The following CFAP47 variants were observed in gnomAD, a reference collection of about 807,000 sequenced individuals.
CFAP47 encodes cilia and flagella associated protein 47, also known as cilia- and flagella-associated protein 47.
In CFAP47, 29 loss-of-function variants were observed where a neutral mutation model predicts 148.1. That is an observed-to-expected ratio of 0.20 (90% CI 0.15 to 0.27). The LOEUF (loss-of-function observed/expected upper bound fraction) is 0.27. Among genes scored for constraint, CFAP47 ranks in the 10% least tolerant of loss-of-function variants. CFAP47 has a pLI of 1.00. For synonymous variants in CFAP47, 664 were observed against 577.3 expected (o/e 1.15, Z -2.15); for missense variants, 1,872 against 1,697.5 (o/e 1.10, Z -1.81).
At chrX:35,924,109 G>A (rs1935655029) in intron 1 of CFAP47, among the ~76,000 whole-genome samples, 1 of 100,610 alleles carries the variant, frequency 9.9e-6, no homozygotes, top group African/African-American at 3.9e-5. Context: ...ATGTATATAT[G>A]TACATGTATG....
intron 45 of CFAP47, among the ~76,000 whole-genome samples, chrX:36,209,571 A>C (rs1555989206): frequency 9.0e-6 from 1 of 111,042 alleles, no homozygotes; most frequent in African/African-American, 3.3e-5. Flanking sequence ...TTAATTATAA[A>C]TATAATAAAT....
intron 49 of CFAP47, among the ~76,000 whole-genome samples, chrX:36,262,060 C>T (rs1173806824): frequency 8.9e-6 from 1 of 111,831 alleles, no homozygotes; most frequent in Non-Finnish European, 1.9e-5. Flanking sequence ...TTTGGCTTTG[C>T]GTTTCTTTTA....
intron 48 of CFAP47, among the ~76,000 whole-genome samples, chrX:36,247,760 G>A (rs1940635461): frequency 9.0e-6 from 1 of 110,875 alleles, no homozygotes; most frequent in African/African-American, 3.3e-5. Context: ...AGGAACAAAG[G>A]TGACATAAGA....
chrX:36,029,990 C>T (rs1937262897), intron 22 of CFAP47, among the ~76,000 whole-genome samples: 1 of 110,353 alleles, frequency 9.1e-6, no homozygotes, highest in Non-Finnish European at 1.9e-5. Context: ...TTTCTGTTGA[C>T]TACATTTTCA....
chrX:36,043,938 A>C (rs1465827288), intron 25 of CFAP47, among the ~76,000 whole-genome samples: 1 of 112,892 alleles, frequency 8.9e-6, no homozygotes, highest in African/African-American at 3.2e-5. Flanking sequence ...GTTTCCATAC[A>C]TCCTCTGAAA....
rs748781074 is a variant in CFAP47, at chrX:35,954,262, G to GA, written c.1174+550dup. Among the ~76,000 whole-genome samples the GA allele has an allele frequency of 2.5e-3, 274 of 110,513 alleles. 1 individual carries two copies. Among genetic ancestry groups the GA allele is most frequent in the African/African-American group, 8.6e-3 (262 of 30,470 alleles). On this transcript the variant is annotated intron_variant, in intron 7 of 63. Transcript: ENST00000378653. The stretch of plus-strand genomic sequence containing the variant: ...GTTATATTAGGTTGGTTATAGTGAG[G>GA]AAAAAAATGGAATGGGACTTGGAGT...
At chrX:36,132,923 C>A (rs774052739) in intron 33 of CFAP47, among the ~76,000 whole-genome samples, 1 of 111,690 alleles carries the variant, frequency 9.0e-6, no homozygotes, top group African/African-American at 3.2e-5. Flanking sequence ...ACCCTTATAA[C>A]AACAATGAAA....
chrX:36,165,867 T>A (rs1186657869), intron 39 of CFAP47, among the ~76,000 whole-genome samples: 1 of 111,117 alleles, frequency 9.0e-6, no homozygotes, highest in Non-Finnish European at 1.9e-5. Context: ...TTCCTTCTTC[T>A]TATAAGGACA....
chrX:35,995,151 G>A (rs776869692), intron 18 of CFAP47, among the ~76,000 whole-genome samples: 6 of 111,116 alleles, frequency 5.4e-5, no homozygotes, highest in African/African-American at 6.5e-5. Context: ...GGGGAGAGGA[G>A]GAAAGGTTAT....
At chrX:36,101,540 A>G (rs752556887) in intron 32 of CFAP47, among the ~76,000 whole-genome samples, 29 of 111,858 alleles carry the variant, frequency 2.6e-4, no homozygotes, top group South Asian at 7.5e-4. Flanking sequence ...AAACACTGAC[A>G]ATGAGGTATG....
At chrX:36,183,730 G>A (rs928930352) in intron 40 of CFAP47, among the ~76,000 whole-genome samples, 1 of 111,743 alleles carries the variant, frequency 8.9e-6, no homozygotes, top group African/African-American at 3.3e-5. Flanking sequence ...ATTTTATGTT[G>A]TGGGGACATG....
At chrX:36,212,218 A>T (rs57743932) in intron 45 of CFAP47, among the ~76,000 whole-genome samples, 2,591 of 112,392 alleles carry the variant, frequency 0.023, 77 homozygotes, top group African/African-American at 0.079. Flanking sequence ...CCATAGATAC[A>T]TAGTTTATTT....
intron 15 of CFAP47, among the ~76,000 whole-genome samples, chrX:35,987,187 C>A (rs1001268834): frequency 4.5e-5 from 5 of 111,541 alleles, no homozygotes; most frequent in African/African-American, 1.3e-4. Flanking sequence ...AAGTTTAAGT[C>A]TGCTGAAGCT....
chrX:36,361,192 T>C, intron 60 of CFAP47, 138 bp from the exon 61 acceptor site: 1 of 341,306 alleles, frequency 2.9e-6, no homozygotes, highest in Non-Finnish European at 5.2e-6. Flanking sequence ...CACTAGACTT[T>C]ATAGACATTA....
At chrX:36,377,970 A>G (rs1484910983) in intron 62 of CFAP47, among the ~76,000 whole-genome samples, 2 of 111,806 alleles carry the variant, frequency 1.8e-5, no homozygotes, top group African/African-American at 6.5e-5. Flanking sequence ...TCCGCAGTCC[A>G]TGTTCTCAAA....
At chrX:35,992,723 TC>T (rs779668677) in intron 17 of CFAP47, among the ~76,000 whole-genome samples, 5 of 111,498 alleles carry the variant, frequency 4.5e-5, no homozygotes, top group Non-Finnish European at 9.4e-5. Flanking sequence ...TTAGAAGTTT[TC>T]TGAAGATCAA....
chrX:36,170,567 A>G (rs980231852), intron 39 of CFAP47, among the ~76,000 whole-genome samples: 2 of 109,577 alleles, frequency 1.8e-5, no homozygotes, highest in Non-Finnish European at 3.8e-5. Context: ...TGTTCTTGTG[A>G]TAGTTTACCG....
intron 1 of CFAP47, among the ~76,000 whole-genome samples, chrX:35,924,172 CATGT>C (rs200176977): frequency 3.0e-5 from 3 of 98,757 alleles, no homozygotes; most frequent in African/African-American, 1.2e-4. Flanking sequence ...TATATATGTA[CATGT>C]ATGCGTACAT....
chrX:36,277,807 A>G (rs895610339), intron 49 of CFAP47, among the ~76,000 whole-genome samples: 7 of 111,983 alleles, frequency 6.3e-5, no homozygotes, highest in Non-Finnish European at 1.3e-4. Flanking sequence ...GAATATTACC[A>G]TCTTGTCAAG....
Sources: gnomAD v4.1 joint callset for allele counts (sites outside exome capture counted in the v4.1 genomes callset) on GRCh38, gnomAD v4.1.1 for gene constraint, MANE v1.5 for transcripts, NCBI Gene and HGNC (gene_info 2026-07-23, HGNC 2026-07-21) for gene names.